Variants in ZNF331 observed in about 807,000 individuals in gnomAD.
ZNF331 encodes zinc finger protein 331, also known as C2H2-like zinc finger protein rearranged in thyroid adenomas.
Under a neutral mutation model 7.0 loss-of-function variants are expected in ZNF331, and 2 were observed. The observed-to-expected ratio is 0.29, with a 90% CI of 0.12 to 0.90. The LOEUF is 0.90. ZNF331 is among the 40% of genes least tolerant of loss of function. ZNF331 has a pLI of 0.58. For synonymous variants in ZNF331, 196 were observed against 205.4 expected (o/e 0.95, Z 0.39); for missense variants, 432 against 587.7 (o/e 0.74, Z 2.74).
In ZNF331 at chr19:53,527,098, AG is replaced by A. The variant is rs765111805; in HGVS notation, c.-205+4415del. ...CAGCTACCCAGGAGGCTGACACAGG[AG>A]AATCACTTGAACCCGGGAGTTGGAG... On this transcript the variant is annotated intron_variant, in intron 2 of 6. Coordinates refer to the ZNF331 transcript ENST00000253144. Among the ~76,000 whole-genome samples, 130 of 152,024 alleles carry A rather than the reference AG, an allele frequency of 8.6e-4. 1 individual carries two copies. The highest frequency in any genetic ancestry group is 2.9e-4 in the Non-Finnish European group (20 of 68,008).
intron 3 of ZNF331, among the ~76,000 whole-genome samples, chr19:53,561,013 C>T (rs1317838775): frequency 1.3e-5 from 2 of 152,098 alleles, no homozygotes; most frequent in African/African-American, 4.8e-5. Context: ...CAAAAGTTAG[C>T]CAGGCGTGGT....
At chr19:53,569,438 A>G in intron 4 of ZNF331, 53 bp downstream of exon 4, 3 of 1,602,118 alleles carry the variant, frequency 1.9e-6, no homozygotes, top group Non-Finnish European at 2.6e-6. Context: ...CGTTCTGTGC[A>G]TCTGCTTGTG....
At chr19:53,503,424 T>G in the ZNF331 span, 4 of 571,566 alleles carry the variant, frequency 7.0e-6, no homozygotes, top group Non-Finnish European at 1.3e-5. Flanking sequence ...GGGAACGATC[T>G]TCTTATCGCA....
chr19:53,576,646 G>A lies in ZNF331; in HGVS notation c.137-51G>A, dbSNP rs376189297. 14 of 1,511,256 alleles carry A rather than the reference G, an allele frequency of 9.3e-6. 1 individual carries two copies. Among genetic ancestry groups the A allele is most frequent in the South Asian group, 5.3e-5 (4 of 74,954 alleles). 93.6% of individuals were successfully genotyped at this position (1,511,256 alleles called of 1,614,324 possible). On this transcript the variant is annotated intron_variant, in intron 5 of 5. Coordinates refer to ENST00000449416, the MANE Select transcript of ZNF331 (RefSeq NM_001079906.2). ...GAGTTTTTGGTTTGTGGTTAGGTTCGTTTGTACTTGTGTCCCTCTAAAGGA... is the reference window on the plus strand; with the variant it reads ...GAGTTTTTGGTTTGTGGTTAGGTTCATTTGTACTTGTGTCCCTCTAAAGGA...
intron 3 of ZNF331, among the ~76,000 whole-genome samples, chr19:53,557,431 T>G (rs920478968): frequency 6.6e-6 from 1 of 152,194 alleles, no homozygotes. Context: ...TATAAGACAC[T>G]AATCCTATTC....
At position 53,558,980 on chromosome 19, in the gene ZNF331, TAC is replaced by T. The variant is rs577472492; in HGVS notation, c.-74+3080_-74+3081del. 2.7e-4 allele frequency among the ~76,000 whole-genome samples: 39 copies of T among 145,130 alleles called. 1 individual carries two copies. Among genetic ancestry groups the T allele is most frequent in the African/African-American group, 8.2e-4 (32 of 38,878 alleles). The stretch of plus-strand genomic sequence containing the variant: ...ACCATATACACACCATACACACATA[TAC>T]ACACACATACCCCATATATACACAC... On this transcript the variant is annotated intron_variant, in intron 3 of 5. Coordinates refer to ENST00000449416, the MANE Select transcript of ZNF331 (RefSeq NM_001079906.2). This position sits in a 1 kb window ranked among gnomAD's most constrained non-coding sequence, Gnocchi z 4.5.
chr19:53,566,855 A>G (rs1419533654), intron 3 of ZNF331, among the ~76,000 whole-genome samples: 1 of 151,444 alleles, frequency 6.6e-6, no homozygotes, highest in Non-Finnish European at 1.5e-5. Context: ...TTATATCTCT[A>G]TTTTATTTAT....
upstream of ZNF331, among the ~76,000 whole-genome samples, chr19:53,520,791 A>T (rs2087041202): frequency 6.6e-6 from 1 of 151,384 alleles, no homozygotes. Context: ...TACATTTCCC[A>T]GAAGCCCTCA....
At chr19:53,526,020 T>C (rs2087280790) in intron 2 of ZNF331, among the ~76,000 whole-genome samples, 1 of 152,228 alleles carries the variant, frequency 6.6e-6, no homozygotes, top group Admixed American at 6.5e-5. Flanking sequence ...TTTTTCTGGA[T>C]CTATTGTGAT....
rs545286412 is a variant in ZNF331, at chr19:53,571,741, C to T, written c.136+11C>T. 61 of 1,603,236 alleles carry T rather than the reference C, an allele frequency of 3.8e-5. No homozygotes were observed. The highest frequency in any genetic ancestry group is 1.8e-4 in the East Asian group (8 of 44,682). ...ACTTGGTCTCACTGGGTGAGTTGCA[C>T]GCCTCAGATAACTTAGACTGCCTCC... is the stretch of plus-strand genomic sequence containing the variant. On this transcript the variant is annotated intron_variant, in intron 5 of 5. Coordinates refer to ENST00000449416, the MANE Select transcript of ZNF331 (RefSeq NM_001079906.2). This position sits in a 1 kb window ranked among gnomAD's most constrained non-coding sequence, Gnocchi z 4.7.
rs965986912 is a variant in ZNF331, at chr19:53,558,435, C to G, written c.-74+2527C>G. ...TGTCCAGAAGCTCTCCTCACCCTGT[C>G]TTCTTAGGCCTTTTATGGAGACTTC... On this transcript the variant is annotated intron_variant, in intron 3 of 5. Coordinates refer to ENST00000449416, the MANE Select transcript of ZNF331 (RefSeq NM_001079906.2). The surrounding 1 kb of genome is among the most constrained non-coding windows in gnomAD (Gnocchi z 4.5). Among the ~76,000 whole-genome samples the G allele has an allele frequency of 6.6e-6, 1 of 152,022 alleles. No homozygotes were observed. The highest frequency in any genetic ancestry group is 1.5e-5 in the Non-Finnish European group (1 of 68,002).
Position 53,569,286 on chromosome 19 carries a change from C to T in ZNF331, c.-73-18C>T. The T allele has an allele frequency of 3.4e-6, 5 of 1,484,608 alleles. No individual in the cohort carries two copies. The highest frequency in any genetic ancestry group is 4.7e-6 in the Non-Finnish European group (5 of 1,070,326). The allele number at this position is 1,484,608 out of a possible 1,614,324, so 92.0% of individuals were successfully genotyped here. ...CCCCAGATGCACCTCGTTTTAATCTCTTTTTTTCCACCCCTAGCTCTAGCC... is the reference window on the plus strand; with the variant it reads ...CCCCAGATGCACCTCGTTTTAATCTTTTTTTTTCCACCCCTAGCTCTAGCC... On this transcript the variant is annotated intron_variant, in intron 3 of 5. Transcript: ENST00000449416.
Position 53,566,278 on chromosome 19 carries a change from G to A in ZNF331, c.-73-3026G>A, listed in dbSNP as rs561400005. On this transcript the variant is annotated intron_variant, in intron 3 of 5. Coordinates refer to ENST00000449416, the MANE Select transcript of ZNF331 (RefSeq NM_001079906.2). ...CCAGGGAAGCTCACCAGAGTCTGCTGGTGCAAGGTTTGGTTTGGTTTGGTT... is the reference window on the plus strand; with the variant it reads ...CCAGGGAAGCTCACCAGAGTCTGCTAGTGCAAGGTTTGGTTTGGTTTGGTT... Among the ~76,000 whole-genome samples, 4 of 152,190 alleles carry A rather than the reference G, an allele frequency of 2.6e-5. No individual in the cohort carries two copies. The East Asian group carries it at 7.8e-4, about 30-fold the overall frequency.
chr19:53,555,524 G>C (rs1050801199), intron 2 of ZNF331: 1 of 152,454 alleles, frequency 6.6e-6, no homozygotes, highest in Non-Finnish European at 1.5e-5. Context: ...GCGGAAGGAC[G>C]GGAGTGCCTG....
chr19:53,541,256 C>T (rs988736284), intron 2 of ZNF331, among the ~76,000 whole-genome samples: 3 of 151,896 alleles, frequency 2.0e-5, no homozygotes, highest in African/African-American at 7.3e-5. Flanking sequence ...CAGGCATGCG[C>T]CACCACACCC....
At chr19:53,510,347 G>A in the ZNF331 span, among the ~76,000 whole-genome samples, 5 of 152,126 alleles carry the variant, frequency 3.3e-5, no homozygotes, top group Non-Finnish European at 5.9e-5. Flanking sequence ...TAGGGAACTC[G>A]GGGTAGGAGT....
intron 2 of ZNF331, chr19:53,523,268 G>C (rs2087160443): frequency 6.6e-6 from 1 of 151,356 alleles, no homozygotes; most frequent in South Asian, 2.1e-4. Context: ...CCCCAGGCTG[G>C]AGTGCAATGG....
Position 53,577,720 on chromosome 19 carries a change from A to T in ZNF331, c.1160A>T (p.Glu387Val). The change falls in exon 6 of 6, where the codon GAG becomes GTG. Residue 387 changes from glutamate (E) to valine (V), a missense_variant. Glu to Val is a moderately radical substitution (Grantham distance 121, BLOSUM62 -2). Transcript: ENST00000449416. ...HTGETPYKCKECGKAFIYGSS... is the reference protein window; with the variant it reads ...HTGETPYKCKVCGKAFIYGSS... The stretch of plus-strand genomic sequence containing the variant: ...GGCGAAACCCCGTATAAATGTAAGG[A>T]GTGTGGGAAGGCTTTCATTTATGGA... 6.2e-7 allele frequency: 1 copy of T among 1,614,002 alleles called. No homozygotes were observed. The highest frequency in any genetic ancestry group is 8.5e-7 in the Non-Finnish European group (1 of 1,179,858).
At chr19:53,554,728 G>T (rs1386073831) in intron 2 of ZNF331, 1 of 152,342 alleles carries the variant, frequency 6.6e-6, no homozygotes, top group Non-Finnish European at 1.5e-5. Flanking sequence ...AGGGGAGACG[G>T]GCACGGAGCT....
Sources: allele counts gnomAD v4.1 joint callset (sites outside exome capture counted in the v4.1 genomes callset), GRCh38; gene constraint gnomAD v4.1.1; non-coding constraint Gnocchi (gnomAD v3.1); transcripts MANE v1.5; gene names NCBI Gene and HGNC (gene_info 2026-07-23, HGNC 2026-07-21).